The following ASTN2 variants were observed in gnomAD, a reference collection of about 807,000 sequenced individuals.
ASTN2 encodes the protein astrotactin-2.
Under a neutral mutation model 139.8 loss-of-function variants are expected in ASTN2, and 54 were observed. The observed-to-expected ratio is 0.39, with a 90% CI of 0.31 to 0.48. ASTN2 has a LOEUF of 0.48. ASTN2 is among the 20% of genes least tolerant of loss of function. ASTN2 has a pLI of 0.95. For missense variants in ASTN2, 1,565 were observed against 1,725.1 expected, an observed-to-expected ratio of 0.91 and a Z score of 1.64; for synonymous variants, 756 against 719.5, an observed-to-expected ratio of 1.05 and a Z score of -0.81.
At chr9:117,375,742 A>G (rs535276239) in intron 1 of ASTN2, among the ~76,000 whole-genome samples, 1 of 152,324 alleles carries the variant, frequency 6.6e-6, no homozygotes, top group East Asian at 1.9e-4. Flanking sequence ...CCACAAACTT[A>G]GTGGCATAAA....
intron 4 of ASTN2, among the ~76,000 whole-genome samples, chr9:117,103,162 C>T (rs10983522): frequency 0.36 from 54,492 of 151,946 alleles, 10,897 homozygotes; most frequent in East Asian, 0.47. Context: ...TTACTCAGGG[C>T]CCATGCTGTC....
chr9:117,036,039 GACACTCT>G (rs1838375507), intron 6 of ASTN2, among the ~76,000 whole-genome samples: 1 of 152,108 alleles, frequency 6.6e-6, no homozygotes, highest in African/African-American at 2.4e-5. Flanking sequence ...CAATGTTTTA[GACACTCT>G]ACTAGGCACT....
chr9:116,529,689 G>A (rs2111674), intron 19 of ASTN2, among the ~76,000 whole-genome samples: 151,296 of 152,112 alleles, frequency 0.99, 75,247 homozygotes, highest in Middle Eastern at 1. Context: ...AGGTGATTGG[G>A]TCATGAGGGC....
chr9:117,362,839 C>G (rs1479543446), intron 1 of ASTN2, among the ~76,000 whole-genome samples: 1 of 152,094 alleles, frequency 6.6e-6, no homozygotes, highest in African/African-American at 2.4e-5. Context: ...TCTGGCCCCA[C>G]TCTCGTGCCA....
chr9:116,572,862 T>C (rs1353471924), intron 19 of ASTN2, among the ~76,000 whole-genome samples: 1 of 151,788 alleles, frequency 6.6e-6, no homozygotes, highest in Non-Finnish European at 1.5e-5. Flanking sequence ...CAGAAAGAGG[T>C]CAAAGGCACT....
intron 20 of ASTN2, among the ~76,000 whole-genome samples, chr9:116,453,593 C>CA (rs386416019): frequency 0.01 from 605 of 58,784 alleles, 132 homozygotes; most frequent in Middle Eastern, 0.038. Flanking sequence ...GACTCCGTCT[C>CA]AAAAAAAAAA....
intron 20 of ASTN2, among the ~76,000 whole-genome samples, chr9:116,457,203 A>C (rs1042963569): frequency 1.3e-5 from 2 of 152,198 alleles, no homozygotes; most frequent in African/African-American, 2.4e-5. Context: ...AAATCAAATC[A>C]AAATAATTAA....
intron 10 of ASTN2, among the ~76,000 whole-genome samples, chr9:116,914,193 G>A (rs1834384432): frequency 6.6e-6 from 1 of 151,910 alleles, no homozygotes; most frequent in Admixed American, 6.6e-5. Context: ...GAAGCTGAAG[G>A]AGAGTTGCTG....
chr9:117,016,623 TC>T (rs1564385859), intron 6 of ASTN2, among the ~76,000 whole-genome samples: 581 of 4,868 alleles, frequency 0.12, 73 homozygotes, highest in African/African-American at 0.21. Flanking sequence ...TATCTATCTA[TC>T]TATATATATA....
At chr9:116,733,806 G>GA (rs1175977396) in intron 13 of ASTN2, among the ~76,000 whole-genome samples, 1 of 152,146 alleles carries the variant, frequency 6.6e-6, no homozygotes, top group Non-Finnish European at 1.5e-5. Context: ...TGTCTATAAA[G>GA]TGAGACTCAG....
intron 13 of ASTN2, among the ~76,000 whole-genome samples, chr9:116,803,508 ATATATATATATATATTTT>A (rs1401141110): frequency 7.9e-3 from 56 of 7,080 alleles, no homozygotes; most frequent in African/African-American, 0.037. Context: ...ATATATATAT[ATATATATATATATATTTT>A]TTTTTTTTTT....
At chr9:116,965,374 T>G (rs1835985458) in intron 10 of ASTN2, among the ~76,000 whole-genome samples, 1 of 152,224 alleles carries the variant, frequency 6.6e-6, no homozygotes, top group African/African-American at 2.4e-5. Context: ...CCCCTAATGA[T>G]AAGCCAGGGT....
chr9:117,003,940 A>ACGCGCGCGCGCGCG (rs772588901), intron 7 of ASTN2, among the ~76,000 whole-genome samples: 1 of 144,536 alleles, frequency 6.9e-6, no homozygotes, highest in African/African-American at 2.7e-5. Context: ...TGTTTCTTTC[A>ACGCGCGCGCGCGCG]CGCGCGCGCG....
At chr9:117,336,502 A>G (rs1828888291) in intron 1 of ASTN2, among the ~76,000 whole-genome samples, 1 of 152,106 alleles carries the variant, frequency 6.6e-6, no homozygotes, top group African/African-American at 2.4e-5. Flanking sequence ...CCCATCTCCT[A>G]TCTGCAGGAG....
intron 1 of ASTN2, among the ~76,000 whole-genome samples, chr9:117,295,398 T>G (rs1032610168): frequency 6.6e-6 from 1 of 152,082 alleles, no homozygotes; most frequent in African/African-American, 2.4e-5. Context: ...TCCTTGAACA[T>G]GTGTTTATTG....
intron 2 of ASTN2, among the ~76,000 whole-genome samples, chr9:117,235,310 A>G (rs756197355): frequency 6.6e-6 from 1 of 152,148 alleles, no homozygotes; most frequent in Middle Eastern, 3.4e-3. Context: ...ATTTATTGGT[A>G]TTGACAAATT....
At chr9:117,286,326 C>T (rs921797855) in intron 2 of ASTN2, among the ~76,000 whole-genome samples, 5 of 150,270 alleles carry the variant, frequency 3.3e-5, no homozygotes, top group Non-Finnish European at 7.4e-5. Context: ...CTCATGCCTG[C>T]GTGAAGCAGA....
intron 13 of ASTN2, among the ~76,000 whole-genome samples, chr9:116,771,019 T>A (rs1829940879): frequency 6.6e-6 from 1 of 152,244 alleles, no homozygotes; most frequent in African/African-American, 2.4e-5. Context: ...GTCTTATGTA[T>A]TTTCTGTCAT....
chr9:117,216,444 G>T (rs1020386775), intron 2 of ASTN2, among the ~76,000 whole-genome samples: 1 of 152,204 alleles, frequency 6.6e-6, no homozygotes, highest in African/African-American at 2.4e-5. Context: ...GTTTCCCCAA[G>T]AAAGTTTCTC....
Sources: allele counts gnomAD v4.1 joint callset (sites outside exome capture counted in the v4.1 genomes callset), GRCh38; gene constraint gnomAD v4.1.1; transcripts MANE v1.5; gene names NCBI Gene and HGNC (gene_info 2026-07-23, HGNC 2026-07-21).